COL25A1: variants seen among roughly 807,000 people sequenced by gnomAD.
COL25A1 encodes the protein collagen alpha-1(XXV) chain.
Under a neutral mutation model 128.4 loss-of-function variants are expected in COL25A1, and 103 were observed. The observed-to-expected ratio is 0.80, with a 90% CI of 0.68 to 0.94. The LOEUF (loss-of-function observed/expected upper bound fraction) is 0.94. Among genes scored for constraint, COL25A1 ranks in the 40% least tolerant of loss-of-function variants. COL25A1 has a pLI of 0.00. For missense variants in COL25A1, 745 were observed against 840.0 expected (o/e 0.89, Z 1.40); for synonymous variants, 279 against 277.2 (o/e 1.01, Z -0.06).
chr4:109,091,709 T>C (rs2126009261), intron 3 of COL25A1, among the ~76,000 whole-genome samples: 1 of 151,558 alleles, frequency 6.6e-6, no homozygotes, highest in African/African-American at 2.4e-5. Context: ...GGCTCAGATA[T>C]CTGACTAATA....
chr4:108,923,896 A>C (rs12502540), intron 11 of COL25A1, among the ~76,000 whole-genome samples: 1 of 152,020 alleles, frequency 6.6e-6, no homozygotes, highest in Non-Finnish European at 1.5e-5. Flanking sequence ...AATCAATGAA[A>C]TGGTCCTTCC....
intron 20 of COL25A1, among the ~76,000 whole-genome samples, chr4:108,863,795 T>G (rs1737555413): frequency 1.3e-5 from 2 of 152,200 alleles, no homozygotes; most frequent in African/African-American, 2.4e-5. Context: ...CTGAGAGCCC[T>G]TCCTCTCAGT....
chr4:108,846,571 T>C (rs1254629300), intron 27 of COL25A1, among the ~76,000 whole-genome samples: 1 of 152,144 alleles, frequency 6.6e-6, no homozygotes, highest in Non-Finnish European at 1.5e-5. Context: ...CAATACAGGA[T>C]GTATTTTGAA....
chr4:108,905,900 T>A (rs977847078), intron 13 of COL25A1, among the ~76,000 whole-genome samples: 14 of 151,966 alleles, frequency 9.2e-5, no homozygotes, highest in Middle Eastern at 3.4e-3. Context: ...AAGCTCTGGC[T>A]CGGGACAGAG....
chr4:109,281,030 T>C (rs1339606102), intron 3 of COL25A1, among the ~76,000 whole-genome samples: 3 of 152,168 alleles, frequency 2.0e-5, no homozygotes, highest in African/African-American at 7.2e-5. Flanking sequence ...AATATGTAGA[T>C]AGACAAAGGA....
At chr4:109,026,158 G>A (rs537896903) in intron 5 of COL25A1, among the ~76,000 whole-genome samples, 5 of 147,800 alleles carry the variant, frequency 3.4e-5, no homozygotes, top group Admixed American at 1.3e-4. Flanking sequence ...ATTAGTTCGC[G>A]GGTTCTCTAG....
chr4:109,219,561 A>G (rs1778276047), intron 3 of COL25A1, among the ~76,000 whole-genome samples: 1 of 152,078 alleles, frequency 6.6e-6, no homozygotes, highest in Non-Finnish European at 1.5e-5. Flanking sequence ...CCCACAAAAG[A>G]AACATAAAGC....
chr4:109,259,224 C>A (rs987708222), intron 3 of COL25A1, among the ~76,000 whole-genome samples: 1 of 151,674 alleles, frequency 6.6e-6, no homozygotes, highest in Non-Finnish European at 1.5e-5. Flanking sequence ...TTCAATAGAG[C>A]GGTTGAAAAA....
Position 109,296,746 on chromosome 4 carries a change from A to G in COL25A1, c.367+3837T>C, listed in dbSNP as rs530460954. ...TATTCCGCATCCACATTCTTCGTTCATTACACCACAGAGGTTCTTATACCT... is the reference window on the plus strand; with the variant it reads ...TATTCCGCATCCACATTCTTCGTTCGTTACACCACAGAGGTTCTTATACCT... On this transcript the variant is annotated intron_variant, in intron 3 of 37. Coordinates refer to ENST00000399132, the MANE Select transcript of COL25A1 (RefSeq NM_198721.4). Among the ~76,000 whole-genome samples the G allele has an allele frequency of 7.2e-5, 11 of 152,206 alleles. No individual in the cohort carries two copies. The East Asian group carries it at 1.9e-3, about 27-fold the overall frequency.
At chr4:108,832,558 A>T (rs1167141861) in intron 31 of COL25A1, 125 bp from the exon 32 acceptor site, 3 of 633,432 alleles carry the variant, frequency 4.7e-6, no homozygotes, top group Non-Finnish European at 5.5e-6. Flanking sequence ...CTCCTTTCAA[A>T]GTGCTTTATG....
At chr4:109,218,367 T>TTG (rs1553961856) in intron 3 of COL25A1, among the ~76,000 whole-genome samples, 1 of 128,360 alleles carries the variant, frequency 7.8e-6, no homozygotes, top group Non-Finnish European at 1.6e-5. Context: ...GTTTTTTTTT[T>TTG]TTTTTTTTTT....
Position 109,130,004 on chromosome 4 carries a change from A to T in COL25A1, c.368-79825T>A, listed in dbSNP as rs1458649990. Reference sequence around the variant, plus strand: ...TACCCTAAAACTTAAAGTATAATTAAAAAAAAAAAAAAAAGAATAAAAGAA... The same window carrying T: ...TACCCTAAAACTTAAAGTATAATTATAAAAAAAAAAAAAAGAATAAAAGAA... On this transcript the variant is annotated intron_variant, in intron 3 of 37. Transcript: ENST00000399132. Among the ~76,000 whole-genome samples, 7 of 44,152 alleles carry T rather than the reference A, an allele frequency of 1.6e-4. 1 individual carries two copies. The East Asian group carries it at 4.2e-3, about 26-fold the overall frequency. The allele number at this position is 44,152 out of a possible 152,430, so 29.0% of individuals were successfully genotyped here. A position where few individuals can be genotyped will look rare whatever the true frequency, so the allele number is the denominator to read the frequency against.
chr4:109,197,449 A>C (rs13147544), intron 3 of COL25A1, among the ~76,000 whole-genome samples: 2 of 120,042 alleles, frequency 1.7e-5, no homozygotes, highest in Non-Finnish European at 3.4e-5. Context: ...TATTATATAT[A>C]TTATATATAA....
intron 5 of COL25A1, among the ~76,000 whole-genome samples, chr4:109,038,686 C>T (rs544256242): frequency 1.3e-5 from 2 of 152,252 alleles, no homozygotes; most frequent in South Asian, 2.1e-4. Flanking sequence ...TGGCTCTCAA[C>T]GTCAATAAAT....
At chr4:108,970,857 C>T (rs1560951843) in intron 8 of COL25A1, among the ~76,000 whole-genome samples, 1 of 151,686 alleles carries the variant, frequency 6.6e-6, no homozygotes, top group Non-Finnish European at 1.5e-5. Flanking sequence ...TCAGGTTCAT[C>T]CATGCTGTTG....
In COL25A1 at chr4:109,097,820, C is replaced by T. The variant is rs148172828; in HGVS notation, c.368-47641G>A. Among the ~76,000 whole-genome samples, 329 of 151,726 alleles carry T rather than the reference C, an allele frequency of 2.2e-3. 3 individuals are homozygous for T. Among genetic ancestry groups the T allele is most frequent in the African/African-American group, 7.2e-3 (300 of 41,422 alleles). ...CTCGTACCACAGGTGCGCACCACCA[C>T]GCCCAGCTAATTTTTGTATTTTTAA... On this transcript the variant is annotated intron_variant, in intron 3 of 37. Coordinates refer to ENST00000399132, the MANE Select transcript of COL25A1 (RefSeq NM_198721.4).
chr4:109,167,715 A>G (rs1773205479), intron 3 of COL25A1, among the ~76,000 whole-genome samples: 1 of 152,120 alleles, frequency 6.6e-6, no homozygotes, highest in Admixed American at 6.6e-5. Context: ...TAAGCTCTGG[A>G]TAAAGCCCAC....
intron 31 of COL25A1, chr4:108,832,707 G>A (rs961714407): frequency 1.8e-5 from 5 of 271,064 alleles, no homozygotes; most frequent in African/African-American, 8.9e-5. Context: ...ACTAAATAAA[G>A]CATCACTGGC....
chr4:109,205,843 T>C (rs761081652), intron 3 of COL25A1, among the ~76,000 whole-genome samples: 1 of 152,152 alleles, frequency 6.6e-6, no homozygotes, highest in Non-Finnish European at 1.5e-5. Flanking sequence ...TAATTTTACA[T>C]CACTTTTCTT....
Sources: gnomAD v4.1 joint callset for allele counts (sites outside exome capture counted in the v4.1 genomes callset) on GRCh38, gnomAD v4.1.1 for gene constraint, MANE v1.5 for transcripts, NCBI Gene and HGNC (gene_info 2026-07-23, HGNC 2026-07-21) for gene names.